Variants in CHFR observed in about 807,000 individuals in gnomAD.
CHFR encodes E3 ubiquitin-protein ligase CHFR.
A neutral mutation model predicts 87.6 loss-of-function variants in CHFR; 57 were observed. That is an observed-to-expected ratio of 0.65 (90% CI 0.53 to 0.81). CHFR has a LOEUF of 0.81. Among genes scored for constraint, CHFR ranks in the 30% least tolerant of loss-of-function variants. The probability of loss-of-function intolerance (pLI) is 0.00; values close to 1 mark genes in which losing one functional copy is unlikely to be tolerated. For missense variants in CHFR, 797 were observed against 865.8 expected (o/e 0.92, Z 1.00); for synonymous variants, 381 against 359.2 (o/e 1.06, Z -0.69).
chr12:132,847,139 C>CA lies in CHFR; in HGVS notation c.1648-10dup, dbSNP rs755463602. The CA allele has an allele frequency of 1.9e-6, 3 of 1,605,548 alleles. No individual in the cohort carries two copies. Among genetic ancestry groups the CA allele is most frequent in the Middle Eastern group, 1.7e-4 (1 of 6,002 alleles). On this transcript the variant is annotated splice_polypyrimidine_tract_variant and intron_variant, in intron 14 of 17. Transcript: ENST00000450056. Reference sequence around the variant, plus strand: ...CTGGTTGCCAGGTAATTCTGTGACGCAAAAAAAGAGAGGAATAAGAAATAC... The same window carrying CA: ...CTGGTTGCCAGGTAATTCTGTGACGCAAAAAAAAGAGAGGAATAAGAAATAC...
intron 2 of CHFR, among the ~76,000 whole-genome samples, chr12:132,881,800 G>A (rs12812907): frequency 0.27 from 41,042 of 150,922 alleles, 5,895 homozygotes; most frequent in Middle Eastern, 0.43. Flanking sequence ...CCCGGGAGGC[G>A]GAGGTTGCAG....
chr12:132,874,806 A>T (rs1951587316), intron 3 of CHFR, among the ~76,000 whole-genome samples: 1 of 148,636 alleles, frequency 6.7e-6, no homozygotes, highest in Non-Finnish European at 1.5e-5. Flanking sequence ...TGGGGAAGCC[A>T]GGCCCTGGAA....
chr12:132,874,842 C>A (rs1229000327), intron 3 of CHFR, among the ~76,000 whole-genome samples: 23 of 149,818 alleles, frequency 1.5e-4, no homozygotes, highest in Non-Finnish European at 8.9e-5. Flanking sequence ...AGGACCAGCA[C>A]CCAGTGCAGG....
intron 15 of CHFR, among the ~76,000 whole-genome samples, chr12:132,845,888 A>G (rs1950811341): frequency 6.6e-6 from 1 of 152,198 alleles, no homozygotes; most frequent in African/African-American, 2.4e-5. Flanking sequence ...ATGATTAGGC[A>G]TAATTGAAGC....
chr12:132,874,689 G>T (rs115354268), intron 3 of CHFR, among the ~76,000 whole-genome samples: 3 of 139,412 alleles, frequency 2.2e-5, no homozygotes, highest in African/African-American at 8.2e-5. Context: ...AGCACCCAGC[G>T]CGAGGAAGCC....
chr12:132,846,073 C>T (rs1358330645), intron 15 of CHFR, among the ~76,000 whole-genome samples: 1 of 152,068 alleles, frequency 6.6e-6, no homozygotes, highest in African/African-American at 2.4e-5. Flanking sequence ...TTAAAAGTTT[C>T]TTTTGTCTTT....
intron 8 of CHFR, among the ~76,000 whole-genome samples, chr12:132,857,957 T>G (rs952203880): frequency 6.6e-6 from 1 of 152,210 alleles, no homozygotes; most frequent in African/African-American, 2.4e-5. Flanking sequence ...TTTCATCTGT[T>G]TGCAGAGTTC....
rs142824452 is a variant in CHFR at position 132,877,597 on chromosome 12, A to G, written c.191T>C (p.Val64Ala). 1.8e-5 allele frequency: 29 copies of G among 1,613,506 alleles called. No homozygotes were observed. In the African/African-American group the frequency reaches 3.7e-4, roughly 21 times the overall value. The change falls in exon 3 of 18, where the codon GTA (valine) becomes GCA (alanine). Residue 64 changes from valine (V) to alanine (A), a missense_variant. This residue lies in a region of CHFR where 597 missense variants were observed against 601.2 expected (regional missense o/e 0.99). Coordinates refer to ENST00000450056, the MANE Select transcript of CHFR (RefSeq NM_001161346.2). ...KLVSGDHCRI[V>A]VDEKSGQVTL... ...CACCTGACCTGATTTTTCATCCACT[A>G]CAATTCTACAGTGATCTCCAGAGAC...
At chr12:132,857,714 G>C (rs1234075110) in intron 8 of CHFR, among the ~76,000 whole-genome samples, 155 bp from the exon 9 acceptor site, 1 of 152,182 alleles carries the variant, frequency 6.6e-6, no homozygotes, top group Non-Finnish European at 1.5e-5. Context: ...TTAATGAAAA[G>C]AAATCAGAGG....
intron 2 of CHFR, among the ~76,000 whole-genome samples, chr12:132,883,180 C>A (rs1050364427): frequency 6.6e-6 from 1 of 152,080 alleles, no homozygotes; most frequent in African/African-American, 2.4e-5. Flanking sequence ...GTAATCCCAG[C>A]ACATTGGGAG....
chr12:132,842,944 T>C, intron 17 of CHFR, 67 bp downstream of exon 17: 4 of 1,323,186 alleles, frequency 3.0e-6, no homozygotes, highest in Admixed American at 3.9e-5. Context: ...TATCAGCCTA[T>C]TTATAAGCAG....
In CHFR at chr12:132,876,774, G is replaced by T. The variant is rs1951639747; in HGVS notation, c.233+781C>A. Among the ~76,000 whole-genome samples, 2 of 152,150 alleles carry T rather than the reference G, an allele frequency of 1.3e-5. 1 individual carries two copies. Among genetic ancestry groups the T allele is most frequent in the South Asian group, 4.1e-4 (2 of 4,828 alleles). Reference sequence around the variant, plus strand: ...TACCTTGGGAGCCTAATTAACTACAGTCATGCCCCAGATAATAAACTTTTG... The same window carrying T: ...TACCTTGGGAGCCTAATTAACTACATTCATGCCCCAGATAATAAACTTTTG... On this transcript the variant is annotated intron_variant, in intron 3 of 17. Coordinates refer to ENST00000450056, the MANE Select transcript of CHFR (RefSeq NM_001161346.2).
At chr12:132,850,782 C>T (rs529541398) in intron 12 of CHFR, among the ~76,000 whole-genome samples, 51 of 152,142 alleles carry the variant, frequency 3.4e-4, no homozygotes, top group Non-Finnish European at 4.7e-4. Flanking sequence ...AGGAGCCAAC[C>T]GCGGTGCTCA....
chr12:132,848,817 C>A, intron 12 of CHFR, 93 bp from the exon 13 acceptor site: 2 of 951,760 alleles, frequency 2.1e-6, no homozygotes, highest in South Asian at 3.1e-5. Flanking sequence ...TCAACTCTTT[C>A]TGGAAACATT....
At chr12:132,886,256 G>A (rs947647119) in intron 2 of CHFR, among the ~76,000 whole-genome samples, 4 of 151,912 alleles carry the variant, frequency 2.6e-5, no homozygotes, top group African/African-American at 9.7e-5. Flanking sequence ...GGTGCAGTGA[G>A]CTGAGATCAC....
At position 132,877,928 on chromosome 12, in the gene CHFR, G is replaced by C. The variant is rs374924130; in HGVS notation, c.134-274C>G. On this transcript the variant is annotated intron_variant, in intron 2 of 17. Coordinates refer to ENST00000450056, the MANE Select transcript of CHFR (RefSeq NM_001161346.2). ...CACCATTCTCCTGCCTCAGCCTCCA[G>C]AGTAGCTGGGACTGCAGGCGCCCGC... is the stretch of plus-strand genomic sequence containing the variant. 6.6e-5 allele frequency among the ~76,000 whole-genome samples: 10 copies of C among 152,208 alleles called. No homozygotes were observed. The East Asian group carries it at 1.7e-3, about 27-fold the overall frequency.
At chr12:132,874,775 A>AAG (rs1951585982) in intron 3 of CHFR, among the ~76,000 whole-genome samples, 3 of 32,278 alleles carry the variant, frequency 9.3e-5, no homozygotes, top group African/African-American at 2.4e-4. Flanking sequence ...AGGCGGGACT[A>AAG]CCCAGGACCA....
intron 3 of CHFR, 122 bp from the exon 4 acceptor site, chr12:132,872,516 T>C (rs545303448): frequency 9.2e-6 from 6 of 652,290 alleles, no homozygotes; most frequent in East Asian, 8.2e-5. Flanking sequence ...ATAGGAACAG[T>C]GTAAATACGT....
intron 10 of CHFR, chr12:132,853,887 A>C (rs1161872845): frequency 1.4e-5 from 5 of 369,324 alleles, no homozygotes; most frequent in Non-Finnish European, 2.5e-5. Flanking sequence ...AAGGGCCAGC[A>C]CGTGCGCGCA....
Sources: gnomAD v4.1 joint callset for allele counts (sites outside exome capture counted in the v4.1 genomes callset) on GRCh38, gnomAD v4.1.1 for gene constraint, gnomAD v4.1.1 regional missense constraint, MANE v1.5 for transcripts, NCBI Gene and HGNC (gene_info 2026-07-23, HGNC 2026-07-21) for gene names.